Variants in AGBL4 observed in about 807,000 individuals in gnomAD.
AGBL4 encodes the protein cytosolic carboxypeptidase 6.
Under a neutral mutation model 66.4 loss-of-function variants are expected in AGBL4, and 58 were observed. The observed-to-expected ratio is 0.87, with a 90% CI of 0.71 to 1.09. The LOEUF (loss-of-function observed/expected upper bound fraction) is 1.09, where lower values mean the gene tolerates loss of function less well. Among genes scored for constraint, AGBL4 ranks in the 50% least tolerant of loss-of-function variants. AGBL4 has a pLI of 0.00. For synonymous variants in AGBL4, 234 were observed against 222.9 expected (o/e 1.05, Z -0.44); for missense variants, 579 against 631.0 (o/e 0.92, Z 0.88).
At chr1:49,916,640 A>G (rs2148225538) in intron 1 of AGBL4, among the ~76,000 whole-genome samples, 1 of 152,376 alleles carries the variant, frequency 6.6e-6, no homozygotes, top group South Asian at 2.1e-4. Flanking sequence ...GGAGAATGGA[A>G]CCAAGTTGGA....
intron 6 of AGBL4, among the ~76,000 whole-genome samples, chr1:48,682,634 C>T (rs1488618551): frequency 1.3e-5 from 2 of 152,190 alleles, no homozygotes; most frequent in Non-Finnish European, 2.9e-5. Context: ...CTCAAGCAAT[C>T]TGCCTGTCTT....
chr1:49,768,280 A>G (rs1454511263), intron 2 of AGBL4, among the ~76,000 whole-genome samples: 5 of 152,210 alleles, frequency 3.3e-5, no homozygotes, highest in African/African-American at 1.2e-4. Flanking sequence ...TCCTCAAAAA[A>G]AAATTAACAA....
intron 4 of AGBL4, among the ~76,000 whole-genome samples, chr1:49,145,410 T>C (rs1392161251): frequency 6.6e-6 from 1 of 152,232 alleles, no homozygotes; most frequent in Non-Finnish European, 1.5e-5. Flanking sequence ...GAGTATCCAT[T>C]GTATGGAATG....
At chr1:49,186,567 G>A (rs778145995) in intron 4 of AGBL4, among the ~76,000 whole-genome samples, 6 of 152,192 alleles carry the variant, frequency 3.9e-5, no homozygotes, top group South Asian at 2.1e-4. Context: ...GACACATTGC[G>A]GGTTCAATAA....
In AGBL4 at chr1:49,574,378, G is replaced by A. The variant is rs550424921; in HGVS notation, c.282+122935C>T. ...TTATTTGCTTGGTTAGCTGAAATAC[G>A]GATTAAAAGATGGCCCACTGTGAGC... On this transcript the variant is annotated intron_variant, in intron 3 of 13. Coordinates refer to ENST00000371839, the MANE Select transcript of AGBL4 (RefSeq NM_032785.4). Among the ~76,000 whole-genome samples, 15 of 152,174 alleles carry A rather than the reference G, an allele frequency of 9.9e-5. No homozygotes were observed. The South Asian group carries it at 2.9e-3, about 29-fold the overall frequency.
At chr1:48,968,357 A>G (rs536689108) in intron 5 of AGBL4, among the ~76,000 whole-genome samples, 8 of 152,164 alleles carry the variant, frequency 5.3e-5, no homozygotes, top group Non-Finnish European at 8.8e-5. Context: ...GATTAAGAAT[A>G]GAAAAATGAA....
At chr1:48,898,944 C>T (rs1381429582) in intron 5 of AGBL4, among the ~76,000 whole-genome samples, 4 of 152,136 alleles carry the variant, frequency 2.6e-5, no homozygotes, top group African/African-American at 4.8e-5. Context: ...CACGAGGGAG[C>T]GCCCATGGTA....
chr1:48,641,383 C>T (rs1400032825), intron 8 of AGBL4, among the ~76,000 whole-genome samples: 6 of 152,078 alleles, frequency 3.9e-5, no homozygotes, highest in Non-Finnish European at 7.3e-5. Flanking sequence ...CATAACACAT[C>T]CACTTCCCAT....
intron 4 of AGBL4, among the ~76,000 whole-genome samples, chr1:49,174,460 A>G (rs1292027539): frequency 6.6e-6 from 1 of 152,164 alleles, no homozygotes; most frequent in East Asian, 1.9e-4. Context: ...TTTAGCAGGT[A>G]AGTTCCTTTT....
intron 3 of AGBL4, among the ~76,000 whole-genome samples, chr1:49,267,506 C>G (rs1018379625): frequency 6.6e-6 from 1 of 152,076 alleles, no homozygotes; most frequent in African/African-American, 2.4e-5. Flanking sequence ...CAGTGAAACC[C>G]TGTCTCTATT....
chr1:49,212,763 T>G (rs1490926682), intron 4 of AGBL4, among the ~76,000 whole-genome samples: 1 of 152,096 alleles, frequency 6.6e-6, no homozygotes, highest in Admixed American at 6.6e-5. Flanking sequence ...TGGCCCTGTA[T>G]AGAGTTGTGT....
At chr1:48,642,700 CT>C (rs945373184) in intron 8 of AGBL4, among the ~76,000 whole-genome samples, 1 of 152,060 alleles carries the variant, frequency 6.6e-6, no homozygotes, top group Non-Finnish European at 1.5e-5. Context: ...GAGTTTACTC[CT>C]TTTTGAAAGG....
chr1:49,716,611 C>T (rs540934809), intron 2 of AGBL4, among the ~76,000 whole-genome samples: 38 of 152,076 alleles, frequency 2.5e-4, no homozygotes, highest in Admixed American at 9.8e-4. Flanking sequence ...TGGCATGCAA[C>T]GCTGGTTCAA....
intron 3 of AGBL4, among the ~76,000 whole-genome samples, chr1:49,655,459 A>G (rs1218040635): frequency 6.6e-6 from 1 of 152,086 alleles, no homozygotes; most frequent in Admixed American, 6.5e-5. Context: ...CATTCTCTGT[A>G]TTTCCTGAAT....
At chr1:49,331,117 C>G (rs981843196) in intron 3 of AGBL4, among the ~76,000 whole-genome samples, 1 of 152,172 alleles carries the variant, frequency 6.6e-6, no homozygotes, top group African/African-American at 2.4e-5. Context: ...ACACACAGAG[C>G]TGTGTGGAGT....
At chr1:49,722,500 G>T (rs1345903882) in intron 2 of AGBL4, among the ~76,000 whole-genome samples, 4 of 152,034 alleles carry the variant, frequency 2.6e-5, no homozygotes, top group Admixed American at 2.0e-4. Context: ...CTATTAACCA[G>T]CAATTAAACA....
intron 1 of AGBL4, among the ~76,000 whole-genome samples, chr1:49,948,008 A>ATTTAT (rs1655466603): frequency 9.4e-4 from 36 of 38,126 alleles, no homozygotes; most frequent in Middle Eastern, 0.013. Flanking sequence ...AAATATATAT[A>ATTTAT]AATATATAAA....
At chr1:48,624,145 A>G (rs552911211) in intron 9 of AGBL4, among the ~76,000 whole-genome samples, 94 of 152,320 alleles carry the variant, frequency 6.2e-4, no homozygotes, top group Admixed American at 1.3e-3. Context: ...CAGAATTTCC[A>G]AATTTGTGAG....
chr1:49,006,318 C>T (rs1438377363), intron 5 of AGBL4, among the ~76,000 whole-genome samples: 9 of 152,146 alleles, frequency 5.9e-5, no homozygotes, highest in East Asian at 1.9e-4. Context: ...GCTTTTCCAA[C>T]GGGCTTAAAA....
Sources: allele counts gnomAD v4.1 joint callset (sites outside exome capture counted in the v4.1 genomes callset), GRCh38; gene constraint gnomAD v4.1.1; transcripts MANE v1.5; gene names NCBI Gene and HGNC (gene_info 2026-07-23, HGNC 2026-07-21).